NKAIN2: variants seen among roughly 807,000 people sequenced by gnomAD.
NKAIN2 encodes the protein sodium/potassium transporting ATPase interacting 2.
A neutral mutation model predicts 32.6 loss-of-function variants in NKAIN2; 14 were observed. The observed-to-expected ratio is 0.43, with a 90% CI of 0.28 to 0.67. The LOEUF is 0.67. NKAIN2 is among the 30% of genes least tolerant of loss of function. NKAIN2 has a pLI of 0.17. For synonymous variants in NKAIN2, 80 were observed against 87.2 expected (o/e 0.92, Z 0.46); for missense variants, 198 against 258.3 (o/e 0.77, Z 1.60).
At chr6:124,113,505 G>A (rs975524158) in intron 1 of NKAIN2, among the ~76,000 whole-genome samples, 1 of 151,978 alleles carries the variant, frequency 6.6e-6, no homozygotes, top group East Asian at 1.9e-4. Context: ...GAGTATCAAT[G>A]GCCTGTACCA....
chr6:123,855,587 A>T (rs1277717332), intron 1 of NKAIN2, among the ~76,000 whole-genome samples: 1 of 152,152 alleles, frequency 6.6e-6, no homozygotes, highest in African/African-American at 2.4e-5. Context: ...TTGCCAGACT[A>T]TTATAGACCA....
chr6:124,596,649 C>A (rs926722569), intron 3 of NKAIN2, among the ~76,000 whole-genome samples: 2 of 142,152 alleles, frequency 1.4e-5, no homozygotes, highest in African/African-American at 5.2e-5. Flanking sequence ...AGAAACAGAA[C>A]AAATAAACCA....
chr6:124,024,479 AAG>A (rs1781014327), intron 1 of NKAIN2, among the ~76,000 whole-genome samples: 1 of 152,176 alleles, frequency 6.6e-6, no homozygotes, highest in African/African-American at 2.4e-5. Flanking sequence ...AAAATAAAGA[AAG>A]GGGAAAAATA....
chr6:123,860,740 A>T (rs2130591), intron 1 of NKAIN2, among the ~76,000 whole-genome samples: 31,372 of 152,108 alleles, frequency 0.21, 3,759 homozygotes, highest in East Asian at 0.45. Context: ...TACTGAATTT[A>T]TTGAAGCTTT....
At chr6:123,983,030 C>T (rs373959783) in intron 1 of NKAIN2, among the ~76,000 whole-genome samples, 1 of 143,604 alleles carries the variant, frequency 7.0e-6, no homozygotes, top group East Asian at 2.2e-4. Flanking sequence ...TCAGTGCCTG[C>T]TATGTGCTAG....
Position 123,947,262 on chromosome 6 carries a change from A to G in NKAIN2, c.54+143008A>G, listed in dbSNP as rs534529417. 3.7e-4 allele frequency among the ~76,000 whole-genome samples: 56 copies of G among 152,302 alleles called. 1 individual carries two copies. The South Asian group carries it at 0.011, about 30-fold the overall frequency. Reference sequence around the variant, plus strand: ...ATATCAAAGTTTACACAATACTTGGACTTTTTCTAGATCTGACTATGAACT... The same window carrying G: ...ATATCAAAGTTTACACAATACTTGGGCTTTTTCTAGATCTGACTATGAACT... On this transcript the variant is annotated intron_variant, in intron 1 of 6. Transcript: ENST00000368417.
chr6:123,870,311 C>G (rs1346912357), intron 1 of NKAIN2, among the ~76,000 whole-genome samples: 1 of 152,050 alleles, frequency 6.6e-6, no homozygotes, highest in Non-Finnish European at 1.5e-5. Flanking sequence ...GGAAGTGATT[C>G]ATTTCAACTC....
chr6:124,711,410 G>A (rs1471374818), intron 4 of NKAIN2, among the ~76,000 whole-genome samples: 4 of 139,660 alleles, frequency 2.9e-5, no homozygotes, highest in African/African-American at 5.5e-5. Flanking sequence ...ATCCTGCAGA[G>A]TGTTTTCTAA....
intron 4 of NKAIN2, among the ~76,000 whole-genome samples, chr6:124,732,678 G>A (rs1776742341): frequency 2.0e-5 from 3 of 152,018 alleles, no homozygotes; most frequent in Non-Finnish European, 4.4e-5. Flanking sequence ...TCCTGGTTGT[G>A]ATATTTTAGG....
intron 5 of NKAIN2, among the ~76,000 whole-genome samples, chr6:124,801,734 T>C (rs1248904750): frequency 2.6e-5 from 4 of 152,140 alleles, no homozygotes; most frequent in African/African-American, 9.7e-5. Context: ...GGAGGTGCCA[T>C]GGGAATGATT....
intron 1 of NKAIN2, among the ~76,000 whole-genome samples, chr6:124,277,565 T>G (rs1044843422): frequency 6.6e-6 from 1 of 152,156 alleles, no homozygotes; most frequent in Non-Finnish European, 1.5e-5. Context: ...ATTTCTTTGT[T>G]GATTCCTGGA....
chr6:124,231,422 GA>G (rs1396832115), intron 1 of NKAIN2, among the ~76,000 whole-genome samples: 1 of 152,130 alleles, frequency 6.6e-6, no homozygotes, highest in African/African-American at 2.4e-5. Flanking sequence ...GATTGGTTTT[GA>G]AATGTAAAGA....
At chr6:124,463,079 A>T (rs1776596982) in intron 3 of NKAIN2, among the ~76,000 whole-genome samples, 1 of 152,138 alleles carries the variant, frequency 6.6e-6, no homozygotes, top group Non-Finnish European at 1.5e-5. Context: ...CTACTGCATT[A>T]AATCTGAATC....
intron 2 of NKAIN2, among the ~76,000 whole-genome samples, chr6:124,290,648 G>A (rs568235953): frequency 8.1e-5 from 12 of 147,552 alleles, no homozygotes; most frequent in South Asian, 2.1e-4. Context: ...TGAATTATAC[G>A]TTGTTTTTAC....
At chr6:124,476,397 CTGTGTGTGTGTGTGTGTG>C (rs56691516) in intron 3 of NKAIN2, among the ~76,000 whole-genome samples, 1,550 of 138,004 alleles carry the variant, frequency 0.011, 21 homozygotes, top group African/African-American at 0.027. Flanking sequence ...ATGTATGTGA[CTGTGTGTGTGTGTGTGTG>C]TGTGTGTGTG....
At chr6:123,813,146 A>G (rs74832115) in intron 1 of NKAIN2, among the ~76,000 whole-genome samples, 4,944 of 152,310 alleles carry the variant, frequency 0.032, 294 homozygotes, top group African/African-American at 0.11. Flanking sequence ...CAAAAGTTAT[A>G]AGAACCTCTG....
intron 1 of NKAIN2, among the ~76,000 whole-genome samples, chr6:123,935,925 G>GA (rs1353523366): frequency 6.6e-6 from 1 of 151,986 alleles, no homozygotes; most frequent in South Asian, 2.1e-4. Context: ...TTTCTTTAGG[G>GA]AAAAAAATAG....
chr6:124,805,587 C>T (rs1486110672), intron 5 of NKAIN2, among the ~76,000 whole-genome samples: 1 of 152,152 alleles, frequency 6.6e-6, no homozygotes, highest in East Asian at 1.9e-4. Flanking sequence ...CAGAGCATCT[C>T]TCCTCCTCCA....
At chr6:124,555,466 G>A (rs575723006) in intron 3 of NKAIN2, among the ~76,000 whole-genome samples, 56 of 152,156 alleles carry the variant, frequency 3.7e-4, no homozygotes, top group Non-Finnish European at 5.7e-4. Context: ...GATATACTTG[G>A]CAAAGTCTCA....
Sources: allele counts gnomAD v4.1 joint callset (sites outside exome capture counted in the v4.1 genomes callset), GRCh38; gene constraint gnomAD v4.1.1; transcripts MANE v1.5; gene names NCBI Gene and HGNC (gene_info 2026-07-23, HGNC 2026-07-21).